The following ELFN2 variants were observed in gnomAD, a reference collection of about 807,000 sequenced individuals.
ELFN2 encodes the protein extracellular leucine rich repeat and fibronectin type III domain containing 2.
In ELFN2, 17 loss-of-function variants were observed where a neutral mutation model predicts 45.5. The observed-to-expected ratio is 0.37, with a 90% CI of 0.26 to 0.56. ELFN2 has a LOEUF of 0.56. ELFN2 is among the 20% of genes least tolerant of loss of function. ELFN2 has a pLI of 0.77. For synonymous variants in ELFN2, 550 were observed against 551.5 expected (o/e 1.00, Z 0.04); for missense variants, 922 against 1,183.2 (o/e 0.78, Z 3.24).
intron 2 of ELFN2, among the ~76,000 whole-genome samples, chr22:37,411,004 G>T (rs181618798): frequency 6.6e-6 from 1 of 152,136 alleles, no homozygotes; most frequent in Non-Finnish European, 1.5e-5. Context: ...TCCCTGCTCC[G>T]ACCACCAGGA....
chr22:37,348,950 C>T (rs1930758563), intron 1 of ELFN2, among the ~76,000 whole-genome samples: 1 of 150,836 alleles, frequency 6.6e-6, no homozygotes, highest in South Asian at 2.1e-4. Context: ...TGCGTCTACC[C>T]GTCTTACACA....
intron 1 of ELFN2, among the ~76,000 whole-genome samples, chr22:37,356,115 G>A (rs912365072): frequency 1.3e-5 from 2 of 152,166 alleles, no homozygotes; most frequent in African/African-American, 4.8e-5. Flanking sequence ...GATAATACAA[G>A]GGTCGTTACG....
chr22:37,375,689 A>G lies in ELFN2; in HGVS notation c.-155T>C. 2 of 845,650 alleles carry G rather than the reference A, an allele frequency of 2.4e-6. No individual in the cohort carries two copies. Among genetic ancestry groups the G allele is most frequent in the Non-Finnish European group, 3.6e-6 (2 of 550,876 alleles). 52.4% of individuals were successfully genotyped at this position (845,650 alleles called of 1,614,324 possible). A position where few individuals can be genotyped will look rare whatever the true frequency, so the allele number is the denominator to read the frequency against. ...GGCAAGGTGGGTACAGCTAGTGCCA[A>G]CTGCTGGGGATCTTCTAGGGTGCTA... On this transcript the variant is annotated 5_prime_UTR_variant, in exon 3 of 3. Coordinates refer to ENST00000402918, the MANE Select transcript of ELFN2 (RefSeq NM_052906.5).
intron 2 of ELFN2, among the ~76,000 whole-genome samples, chr22:37,385,775 C>T (rs560348756): frequency 1.3e-5 from 2 of 152,196 alleles, no homozygotes; most frequent in Non-Finnish European, 2.9e-5. Flanking sequence ...GCCCCCCTCC[C>T]CTATCCTCCT....
Position 37,375,366 on chromosome 22 carries a change from C to T in ELFN2, c.169G>A (p.Val57Met), listed in dbSNP as rs1931546473. The T allele has an allele frequency of 6.2e-7, 1 of 1,614,122 alleles. No homozygotes were observed. ...TTCTCGTTGAGCCGCAGGTCGTGCA[C>T]GGTGCTATTGATGTGCTGCGGGATG... is the stretch of plus-strand genomic sequence containing the variant. ...ETIPQHINSTVHDLRLNENKL... is the reference protein window; with the variant it reads ...ETIPQHINSTMHDLRLNENKL... The change falls in exon 3 of 3, where the codon GTG becomes ATG. Residue 57 changes from valine (V) to methionine (M), a missense_variant. Val to Met is a conservative substitution (Grantham distance 21). Around this residue, in one of 2 missense-constraint regions of ELFN2, gnomAD observed 358 missense variants for 540.4 expected, o/e 0.66. Coordinates refer to ENST00000402918, the MANE Select transcript of ELFN2 (RefSeq NM_052906.5).
chr22:37,359,403 A>G (rs5756649), intron 1 of ELFN2, among the ~76,000 whole-genome samples: 63,897 of 151,650 alleles, frequency 0.42, 14,469 homozygotes, highest in African/African-American at 0.58. Flanking sequence ...CCTTTACCCC[A>G]CTCGGAGGTT....
At chr22:37,414,855 G>C (rs993173653) in intron 2 of ELFN2, among the ~76,000 whole-genome samples, 1 of 152,208 alleles carries the variant, frequency 6.6e-6, no homozygotes. Flanking sequence ...GTCTGAGCCT[G>C]CCCTTTGAGG....
chr22:37,374,248 C>T lies in ELFN2; in HGVS notation c.1287G>A (p.Gln429=). ...TGGTCTTCTTGACGTTGACAGACTT[C>T]TGCTTCTCCTCCTGCATGCGCCGCT... is the stretch of plus-strand genomic sequence containing the variant. The part of the protein sequence containing the change: ...LRKRRMQEEK[Q]KSVNVKKTIL... Residue 429 remains glutamine (Q), a synonymous_variant, in exon 3 of 3, where the codon CAG becomes CAA. Coordinates refer to ENST00000402918, the MANE Select transcript of ELFN2 (RefSeq NM_052906.5). The T allele has an allele frequency of 1.9e-6, 3 of 1,614,020 alleles. No homozygotes were observed. The highest frequency in any genetic ancestry group is 1.3e-5 in the African/African-American group (1 of 75,060).
chr22:37,426,477 C>T (rs528875509), intron 1 of ELFN2, among the ~76,000 whole-genome samples: 1 of 152,028 alleles, frequency 6.6e-6, no homozygotes, highest in African/African-American at 2.4e-5. Flanking sequence ...GGGTCCACCC[C>T]ATGTCCACAC....
chr22:37,361,351 C>A (rs1171447907), intron 1 of ELFN2, among the ~76,000 whole-genome samples: 1 of 151,838 alleles, frequency 6.6e-6, no homozygotes, highest in East Asian at 1.9e-4. Context: ...CCCCCTTATC[C>A]TGCCCTCCAT....
intron 2 of ELFN2, among the ~76,000 whole-genome samples, chr22:37,378,931 A>G (rs1931664929): frequency 6.6e-6 from 1 of 152,208 alleles, no homozygotes; most frequent in South Asian, 2.1e-4. Context: ...GTCTGAGGCT[A>G]AGGGTCCAGC....
chr22:37,376,424 C>T (rs913706315), intron 2 of ELFN2, among the ~76,000 whole-genome samples: 1 of 152,140 alleles, frequency 6.6e-6, no homozygotes, highest in African/African-American at 2.4e-5. Context: ...CACACAAGCA[C>T]ACCTACAATC....
chr22:37,360,267 G>A (rs1931052585), intron 1 of ELFN2, among the ~76,000 whole-genome samples: 1 of 152,212 alleles, frequency 6.6e-6, no homozygotes, highest in Non-Finnish European at 1.5e-5. Context: ...GGCCTGGGAT[G>A]GGGACATGAG....
chr22:37,361,780 T>C (rs1282895128), intron 1 of ELFN2, among the ~76,000 whole-genome samples: 2 of 152,200 alleles, frequency 1.3e-5, no homozygotes, highest in Non-Finnish European at 2.9e-5. Flanking sequence ...CCTTGACAAA[T>C]GTACCTTCAC....
Position 37,417,905 on chromosome 22 carries a change from C to T in ELFN2, c.-599G>A, listed in dbSNP as rs2145688229. 6.6e-6 allele frequency: 1 copy of T among 152,202 alleles called. No individual in the cohort carries two copies. The highest frequency in any genetic ancestry group is 6.6e-5 in the Admixed American group (1 of 15,262). The allele number at this position is 152,202 out of a possible 1,614,324, so 9.4% of individuals were successfully genotyped here. On this transcript the variant is annotated 5_prime_UTR_variant, in exon 2 of 3. Transcript: ENST00000402918. The surrounding 1 kb of genome is among the most constrained non-coding windows in gnomAD (Gnocchi z 4.5). Reference sequence around the variant, plus strand: ...AGCCCGGGTGGCAGCAGCTCCTCACCCAAGTCCTCTCCTTCTGCAGGGAGG... The same window carrying T: ...AGCCCGGGTGGCAGCAGCTCCTCACTCAAGTCCTCTCCTTCTGCAGGGAGG...
At chr22:37,389,846 C>T (rs898662036) in intron 2 of ELFN2, among the ~76,000 whole-genome samples, 1 of 152,194 alleles carries the variant, frequency 6.6e-6, no homozygotes. Flanking sequence ...GCATAGTAGG[C>T]ACTCAGTAAA....
chr22:37,392,609 C>T (rs1279744421), intron 2 of ELFN2, among the ~76,000 whole-genome samples: 2 of 152,198 alleles, frequency 1.3e-5, no homozygotes, highest in South Asian at 2.1e-4. Flanking sequence ...TAAGCCACCG[C>T]GCCCGGCCAG....
intron 2 of ELFN2, among the ~76,000 whole-genome samples, chr22:37,341,829 G>C (rs1930566387): frequency 6.6e-6 from 1 of 152,202 alleles, no homozygotes. Context: ...GGTCAGTGAG[G>C]ACAGAGCCCC....
At chr22:37,390,500 C>A (rs1932062569) in intron 2 of ELFN2, among the ~76,000 whole-genome samples, 1 of 152,218 alleles carries the variant, frequency 6.6e-6, no homozygotes, top group Admixed American at 6.5e-5. Flanking sequence ...CAGCGTGAGC[C>A]CCAGAGCTGT....
Sources: gnomAD v4.1 joint callset for allele counts (sites outside exome capture counted in the v4.1 genomes callset) on GRCh38, gnomAD v4.1.1 for gene constraint, gnomAD v4.1.1 regional missense constraint, Gnocchi (gnomAD v3.1) non-coding constraint, MANE v1.5 for transcripts, NCBI Gene and HGNC (gene_info 2026-07-23, HGNC 2026-07-21) for gene names.